KCNN1: variants seen among roughly 807,000 people sequenced by gnomAD.
KCNN1 encodes small conductance calcium-activated potassium channel protein 1.
In KCNN1, 20 loss-of-function variants were observed where a neutral mutation model predicts 44.7. That is an observed-to-expected ratio of 0.45 (90% confidence interval 0.32 to 0.65). The LOEUF is 0.65. Ranked by LOEUF, KCNN1 falls within the 30% of genes least tolerant of loss-of-function variation. The pLI is 0.05. For synonymous variants in KCNN1, 324 were observed against 341.7 expected (o/e 0.95, Z 0.57); for missense variants, 632 against 785.3 (o/e 0.80, Z 2.33).
Position 17,989,727 on chromosome 19 carries a change from C to T in KCNN1, c.1182C>T (p.Ala394=), listed in dbSNP as rs377567043. 2.4e-5 allele frequency: 38 copies of T among 1,613,680 alleles called. No homozygotes were observed. Among genetic ancestry groups the T allele is most frequent in the South Asian group, 3.3e-5 (3 of 91,084 alleles). Residue 394 remains alanine, a synonymous_variant, in exon 7 of 10, where the codon GCC becomes GCT. Coordinates refer to ENST00000684775, the MANE Select transcript of KCNN1 (RefSeq NM_001386974.1). ...TTTTCTGGCCCCAGGTAAAAAACGC[C>T]GCTGCTAACGTTCTCAGGGAGACGT... ...DTQLTKRVKN[A]AANVLRETWL...
At chr19:17,973,122 G>A (rs953880528) in intron 1 of KCNN1, among the ~76,000 whole-genome samples, 4 of 152,102 alleles carry the variant, frequency 2.6e-5, no homozygotes, top group Admixed American at 6.6e-5. Flanking sequence ...AGAGTTTGGT[G>A]TTTTATTTGT....
intron 2 of KCNN1, among the ~76,000 whole-genome samples, chr19:17,960,023 C>T (rs1374272567): frequency 6.6e-6 from 1 of 151,366 alleles, no homozygotes; most frequent in Non-Finnish European, 1.5e-5. Context: ...GTGGAGGTTG[C>T]AGTAAGCGGA....
upstream of KCNN1, among the ~76,000 whole-genome samples, chr19:17,963,484 T>G (rs966914561): frequency 4.6e-5 from 7 of 151,938 alleles, no homozygotes; most frequent in Admixed American, 3.9e-4. Flanking sequence ...CCGGCTAATT[T>G]TTTGTATTTT....
In KCNN1 at chr19:17,998,085, T is replaced by C. The variant is rs1301491193; in HGVS notation, c.1378-67T>C. 2.1e-6 allele frequency: 3 copies of C among 1,461,700 alleles called. No homozygotes were observed. The highest frequency in any genetic ancestry group is 1.8e-6 in the Non-Finnish European group (2 of 1,100,912). 90.5% of individuals were successfully genotyped at this position (1,461,700 alleles called of 1,614,324 possible). On this transcript the variant is annotated intron_variant, in intron 9 of 9. Coordinates refer to ENST00000684775, the MANE Select transcript of KCNN1 (RefSeq NM_001386974.1). This position sits in a 1 kb window ranked among gnomAD's most constrained non-coding sequence, Gnocchi z 5.4. ...GGGCTGTCCCTCTCTGTCATTGGTG[T>C]CGTGGTATCGTCCTTTCCTCTCTCA...
chr19:17,955,229 G>A (rs1257005970), intron 2 of KCNN1, among the ~76,000 whole-genome samples: 3 of 149,458 alleles, frequency 2.0e-5, no homozygotes, highest in Non-Finnish European at 4.5e-5. Flanking sequence ...CAGCCTAGGC[G>A]ACAGAGCGAG....
intron 2 of KCNN1, among the ~76,000 whole-genome samples, chr19:17,960,670 G>A (rs748670639): frequency 2.0e-5 from 3 of 151,864 alleles, no homozygotes; most frequent in Non-Finnish European, 2.9e-5. Flanking sequence ...CACACAAAAA[G>A]TTGTGCTGTC....
Position 17,999,919 on chromosome 19 carries a change from C to T in KCNN1, c.*1513C>T. ...GGTCAGACCCGGGTTCGAGTCCTGA[C>T]TCTGCCACTGCTGGGTGACTCTGAG... On this transcript the variant is annotated 3_prime_UTR_variant, in exon 10 of 10. Coordinates refer to ENST00000684775, the MANE Select transcript of KCNN1 (RefSeq NM_001386974.1). The T allele has an allele frequency of 2.2e-6, 1 of 454,904 alleles. No individual in the cohort carries two copies. The highest frequency in any genetic ancestry group is 2.4e-5 in the Admixed American group (1 of 42,452). The allele number at this position is 454,904 out of a possible 1,614,324, so 28.2% of individuals were successfully genotyped here.
chr19:17,967,840 G>A (rs948121095), intron 1 of KCNN1, among the ~76,000 whole-genome samples: 20 of 152,014 alleles, frequency 1.3e-4, no homozygotes, highest in African/African-American at 4.8e-4. Flanking sequence ...GGGTCTGAGC[G>A]GTGAGGCTGA....
At chr19:17,952,351 G>A (rs1176200578) in intron 1 of KCNN1, 2 of 152,498 alleles carry the variant, frequency 1.3e-5, no homozygotes, top group East Asian at 1.9e-4. Flanking sequence ...GAGTGGCAGT[G>A]GGGGGCACGG....
chr19:17,965,375 C>T (rs1467288237), upstream of KCNN1, among the ~76,000 whole-genome samples: 1 of 152,058 alleles, frequency 6.6e-6, no homozygotes, highest in Non-Finnish European at 1.5e-5. Context: ...CTCAGGGACT[C>T]CTGCAAGGGC....
At chr19:17,988,264 C>G in intron 5 of KCNN1, 151 bp from the exon 6 acceptor site, 1 of 595,956 alleles carries the variant, frequency 1.7e-6, no homozygotes, top group Middle Eastern at 4.2e-4. Context: ...GAATAGGAAA[C>G]GAGTAGACCT....
chr19:17,994,907 A>C (rs1282937642), intron 9 of KCNN1, among the ~76,000 whole-genome samples: 1 of 152,226 alleles, frequency 6.6e-6, no homozygotes, highest in East Asian at 1.9e-4. Flanking sequence ...CAATTAATCA[A>C]GTGCTTGAGA....
chr19:17,998,191 G>C lies in KCNN1; in HGVS notation c.1417G>C (p.Ala473Pro). Residue 473 changes from alanine (A) to proline (P), a missense_variant, in exon 10 of 10, where the codon GCT becomes CCT. Coordinates refer to ENST00000684775, the MANE Select transcript of KCNN1 (RefSeq NM_001386974.1). The surrounding 1 kb of genome is among the most constrained non-coding windows in gnomAD (Gnocchi z 5.4). ...VMYDLVSELH[A>P]QHEELEARLA... ...GTACGACCTTGTATCGGAGCTGCAC[G>C]CTCAGCACGAGGAGCTGGAGGCCCG... The C allele has an allele frequency of 6.3e-7, 1 of 1,598,788 alleles. No homozygotes were observed. The highest frequency in any genetic ancestry group is 8.5e-7 in the Non-Finnish European group (1 of 1,173,970).
rs2033092284 is a variant in KCNN1 at position 17,998,774 on chromosome 19, G to A, written c.*368G>A. 9.9e-6 allele frequency: 2 copies of A among 201,942 alleles called. No individual in the cohort carries two copies. Among genetic ancestry groups the A allele is most frequent in the Non-Finnish European group, 2.0e-5 (2 of 100,822 alleles). The allele number at this position is 201,942 out of a possible 1,614,324, so 12.5% of individuals were successfully genotyped here. ...CCAGGAGGTAGACCTCCAGCCCTGGGTACCAAGATGAATGTGGGAATCAGA... is the reference window on the plus strand; with the variant it reads ...CCAGGAGGTAGACCTCCAGCCCTGGATACCAAGATGAATGTGGGAATCAGA... On this transcript the variant is annotated 3_prime_UTR_variant, in exon 10 of 10. Coordinates refer to ENST00000684775, the MANE Select transcript of KCNN1 (RefSeq NM_001386974.1). The surrounding 1 kb of genome is among the most constrained non-coding windows in gnomAD (Gnocchi z 5.4).
At chr19:17,984,457 T>C (rs532857893) in intron 4 of KCNN1, among the ~76,000 whole-genome samples, 1 of 152,238 alleles carries the variant, frequency 6.6e-6, no homozygotes, top group South Asian at 2.1e-4. Flanking sequence ...AGAGGCTGGC[T>C]TGGGGCTCAG....
chr19:17,986,002 G>A (rs570502375), intron 5 of KCNN1, among the ~76,000 whole-genome samples: 1 of 150,958 alleles, frequency 6.6e-6, no homozygotes, highest in Admixed American at 6.6e-5. Context: ...GGCCAAGGTG[G>A]GCAGATCACC....
Position 17,998,325 on chromosome 19 carries a change from G to A in KCNN1, c.1551G>A (p.Arg517=), listed in dbSNP as rs2033073599. The A allele has an allele frequency of 1.3e-6, 2 of 1,534,730 alleles. No homozygotes were observed. Among genetic ancestry groups the A allele is most frequent in the East Asian group, 2.4e-5 (1 of 41,158 alleles). The change falls in exon 10 of 10, where the codon AGG becomes AGA. Residue 517 remains arginine (R), a synonymous_variant. Coordinates refer to ENST00000684775, the MANE Select transcript of KCNN1 (RefSeq NM_001386974.1). The surrounding 1 kb of genome is among the most constrained non-coding windows in gnomAD (Gnocchi z 5.4). ...IRPPPPPLPP[R]PGPGPQDQAA... ...CACCCCCGCCTCCCCTGCCTCCCAG[G>A]CCCGGCCCCGGCCCCCAAGACCAGG...
At chr19:17,987,048 C>T (rs2032623282) in intron 5 of KCNN1, among the ~76,000 whole-genome samples, 2 of 151,982 alleles carry the variant, frequency 1.3e-5, no homozygotes. Flanking sequence ...CTCAGATAAT[C>T]CACCTGCCTC....
chr19:17,980,261 T>G (rs1268931815), intron 3 of KCNN1, among the ~76,000 whole-genome samples: 7 of 126,818 alleles, frequency 5.5e-5, no homozygotes, highest in Admixed American at 4.9e-4. Flanking sequence ...TTTTTTTTTG[T>G]ATTTTTAGTA....
Sources: gnomAD v4.1 joint callset for allele counts (sites outside exome capture counted in the v4.1 genomes callset) on GRCh38, gnomAD v4.1.1 for gene constraint, Gnocchi (gnomAD v3.1) non-coding constraint, MANE v1.5 for transcripts, NCBI Gene and HGNC (gene_info 2026-07-23, HGNC 2026-07-21) for gene names.